Variants in SELENOI observed in about 807,000 individuals in gnomAD.
The protein encoded by SELENOI is ethanolaminephosphotransferase 1.
A neutral mutation model predicts 50.7 loss-of-function variants in SELENOI; 24 were observed. That is an observed-to-expected ratio of 0.47 (90% CI 0.34 to 0.67). SELENOI has a LOEUF of 0.67. Among genes scored for constraint, SELENOI ranks in the 30% least tolerant of loss-of-function variants. The pLI, the probability that SELENOI is intolerant of heterozygous loss-of-function variation, is 0.01. For missense variants in SELENOI, 352 were observed against 461.4 expected (o/e 0.76, Z 2.17); for synonymous variants, 155 against 170.2 (o/e 0.91, Z 0.70).
chr2:26,392,317 G>A lies in SELENOI; in HGVS notation c.*3214G>A, dbSNP rs1677988798. On this transcript the variant is annotated 3_prime_UTR_variant, in exon 10 of 10. Transcript: ENST00000260585. The stretch of plus-strand genomic sequence containing the variant: ...CTATGAATTTGAAAGTTTCCTAAGT[G>A]TTGTTTTCAAAGAACTGGTTTATTT... 6.6e-6 allele frequency: 1 copy of A among 152,134 alleles called. No individual in the cohort carries two copies. Among genetic ancestry groups the A allele is most frequent in the Non-Finnish European group, 1.5e-5 (1 of 68,026 alleles). 9.4% of individuals were successfully genotyped at this position (152,134 alleles called of 1,614,324 possible). A position where few individuals can be genotyped will look rare whatever the true frequency, so the allele number is the denominator to read the frequency against.
Position 26,348,678 on chromosome 2 carries a change from G to A in SELENOI, c.57+2389G>A, listed in dbSNP as rs1011190935. ...TAGGACGTGAGCTTTAAGAGGGCAG[G>A]CCCTATGGCTGACTTTTTTTTTTTT... On this transcript the variant is annotated intron_variant, in intron 1 of 9. Coordinates refer to ENST00000260585, the MANE Select transcript of SELENOI (RefSeq NM_033505.4). 3.4e-5 allele frequency among the ~76,000 whole-genome samples: 5 copies of A among 149,136 alleles called. No individual in the cohort carries two copies. In the East Asian group the frequency reaches 9.7e-4, roughly 29 times the overall value.
chr2:26,359,651 GAA>G (rs1383564298), intron 1 of SELENOI, among the ~76,000 whole-genome samples: 4 of 152,032 alleles, frequency 2.6e-5, no homozygotes, highest in African/African-American at 9.7e-5. Flanking sequence ...TCAAAAAAAA[GAA>G]AAATTAGACT....
At chr2:26,380,430 G>A (rs1380164507) in intron 6 of SELENOI, among the ~76,000 whole-genome samples, 1 of 151,878 alleles carries the variant, frequency 6.6e-6, no homozygotes, top group Non-Finnish European at 1.5e-5. Context: ...ATATCCCAGC[G>A]ATCACTCCAC....
At chr2:26,351,136 G>A (rs959945176) in intron 1 of SELENOI, among the ~76,000 whole-genome samples, 1 of 143,230 alleles carries the variant, frequency 7.0e-6, no homozygotes, top group African/African-American at 2.7e-5. Context: ...TCGGCTCACT[G>A]CCACCTCCAC....
At chr2:26,359,636 C>CT (rs545833989) in intron 1 of SELENOI, among the ~76,000 whole-genome samples, 269 of 152,010 alleles carry the variant, frequency 1.8e-3, no homozygotes, top group Admixed American at 1.6e-3. Context: ...GAGTGAGACT[C>CT]TGTCTCAAAA....
intron 1 of SELENOI, among the ~76,000 whole-genome samples, chr2:26,355,758 T>A (rs1457758141): frequency 6.6e-6 from 1 of 151,844 alleles, no homozygotes. Context: ...TTTTTTTTTT[T>A]GAGAGAGTGT....
intron 9 of SELENOI, among the ~76,000 whole-genome samples, chr2:26,387,817 G>A (rs1255544658): frequency 6.6e-6 from 1 of 152,108 alleles, no homozygotes; most frequent in African/African-American, 2.4e-5. Context: ...TTGTGACAGG[G>A]TATTCACATT....
In SELENOI at chr2:26,391,715, T is replaced by TA. The variant is rs35125797; in HGVS notation, c.*2618dup. On this transcript the variant is annotated 3_prime_UTR_variant, in exon 10 of 10. Transcript: ENST00000260585. ...GAAGTGTCTTTTTAGGTTATGGTAT[T>TA]AAAAAAGTCGTTTCAGGCTTATCAG... The TA allele has an allele frequency of 0.95, 144,853 of 152,210 alleles. 68,990 individuals are homozygous for TA. The highest frequency in any genetic ancestry group is 0.98 in the South Asian group (4,735 of 4,834). 9.4% of individuals were successfully genotyped at this position (152,210 alleles called of 1,614,324 possible). A position where few individuals can be genotyped will look rare whatever the true frequency, so the allele number is the denominator to read the frequency against.
chr2:26,367,350 TG>T, intron 4 of SELENOI, 130 bp downstream of exon 4: 1 of 641,076 alleles, frequency 1.6e-6, no homozygotes, highest in Non-Finnish European at 2.4e-6. Context: ...CTGTTCAAAT[TG>T]ATAAATATGT....
chr2:26,364,842 C>G lies in SELENOI; in HGVS notation c.137C>G (p.Thr46Ser). 1 of 1,605,402 alleles carries G rather than the reference C, an allele frequency of 6.2e-7. No homozygotes were observed. ...ATTTTGCAAAAATAGGTATTTCCTA[C>G]TTGGCTGGCGCCCAATCTGATAACT... Reference protein sequence around the residue: ...FWNTIVKVFPTWLAPNLITFS... With the variant: ...FWNTIVKVFPSWLAPNLITFS... Residue 46 changes from threonine to serine, a missense_variant, in exon 3 of 10, where the codon ACT becomes AGT. Transcript: ENST00000260585.
intron 1 of SELENOI, among the ~76,000 whole-genome samples, chr2:26,347,963 A>C (rs938569477): frequency 7.2e-5 from 11 of 152,340 alleles, no homozygotes; most frequent in Admixed American, 1.3e-4. Flanking sequence ...AGGTCGATTT[A>C]GCAAGCGTCC....
intron 1 of SELENOI, among the ~76,000 whole-genome samples, chr2:26,349,627 G>A (rs1198977564): frequency 1.3e-5 from 2 of 149,754 alleles, no homozygotes; most frequent in African/African-American, 2.5e-5. Context: ...CTTTATAGTT[G>A]AGGGATTTTT....
Position 26,386,402 on chromosome 2 carries a change from A to G in SELENOI, c.961A>G (p.Asn321Asp). The change falls in exon 9 of 10, where the codon AAT (asparagine) becomes GAT (aspartate). Residue 321 changes from asparagine (N) to aspartate (D), a missense_variant. Transcript: ENST00000260585. ...QMSSTRCPTL[N>D]WLLVPLFLVV... Reference sequence around the variant, plus strand: ...GAGTAGTACCCGGTGTCCAACTTTGAATTGGTTGCTGGTTCCTCTCTTCTT... The same window carrying G: ...GAGTAGTACCCGGTGTCCAACTTTGGATTGGTTGCTGGTTCCTCTCTTCTT... 5.6e-6 allele frequency: 9 copies of G among 1,613,742 alleles called. No individual in the cohort carries two copies. Among genetic ancestry groups the G allele is most frequent in the Non-Finnish European group, 7.6e-6 (9 of 1,179,822 alleles).
At chr2:26,365,795 C>CTTT (rs55900237) in intron 3 of SELENOI, among the ~76,000 whole-genome samples, 15 of 108,394 alleles carry the variant, frequency 1.4e-4, no homozygotes, top group East Asian at 9.8e-4. Context: ...ACACTTAAGA[C>CTTT]TTTTTTTTTT....
rs545254709 is a variant in SELENOI at position 26,348,040 on chromosome 2, G to A, written c.57+1751G>A. Among the ~76,000 whole-genome samples, 14 of 152,244 alleles carry A rather than the reference G, an allele frequency of 9.2e-5. No homozygotes were observed. In the South Asian group the frequency reaches 2.7e-3, roughly 29 times the overall value. ...ATGAGGCTTCCTTGGGGAAAAAAAA[G>A]CACACATTTATAACCTAAATATTCT... On this transcript the variant is annotated intron_variant, in intron 1 of 9. Coordinates refer to ENST00000260585, the MANE Select transcript of SELENOI (RefSeq NM_033505.4).
At chr2:26,356,989 TC>T (rs1222278728) in intron 1 of SELENOI, among the ~76,000 whole-genome samples, 1 of 152,198 alleles carries the variant, frequency 6.6e-6, no homozygotes, top group Non-Finnish European at 1.5e-5. Context: ...ATACAGTCTT[TC>T]GTTTTCTCTC....
At chr2:26,351,375 G>A (rs922979012) in intron 1 of SELENOI, among the ~76,000 whole-genome samples, 10 of 152,150 alleles carry the variant, frequency 6.6e-5, no homozygotes, top group African/African-American at 2.2e-4. Flanking sequence ...CCTTGTGATT[G>A]CATTACTGAC....
chr2:26,364,562 G>T (rs1377772296), intron 2 of SELENOI, among the ~76,000 whole-genome samples, 192 bp downstream of exon 2: 1 of 152,076 alleles, frequency 6.6e-6, no homozygotes, highest in Non-Finnish European at 1.5e-5. Context: ...CCTGGGATTT[G>T]TCACTTTTGT....
At chr2:26,353,482 G>A (rs1455681753) in intron 1 of SELENOI, among the ~76,000 whole-genome samples, 1 of 152,148 alleles carries the variant, frequency 6.6e-6, no homozygotes, top group Non-Finnish European at 1.5e-5. Flanking sequence ...AATACAATAT[G>A]TTAATTATGG....
Sources: allele counts gnomAD v4.1 joint callset (sites outside exome capture counted in the v4.1 genomes callset), GRCh38; gene constraint gnomAD v4.1.1; transcripts MANE v1.5; gene names NCBI Gene and HGNC (gene_info 2026-07-23, HGNC 2026-07-21).